CD163L1: variants seen among roughly 807,000 people sequenced by gnomAD.
CD163L1 encodes the protein CD163 molecule like 1, also known as scavenger receptor cysteine-rich type 1 protein M160.
A neutral mutation model predicts 165.4 loss-of-function variants in CD163L1; 124 were observed. The observed-to-expected ratio is 0.75, with a 90% CI of 0.65 to 0.87. CD163L1 has a LOEUF of 0.87. Ranked by LOEUF, CD163L1 falls within the 40% of genes least tolerant of loss-of-function variation. CD163L1 has a pLI of 0.00. For missense variants in CD163L1, 1,525 were observed against 1,799.9 expected (o/e 0.85, Z 2.76); for synonymous variants, 585 against 662.2 (o/e 0.88, Z 1.79).
At chr12:7,360,956 T>G (rs905387616) in intron 18 of CD163L1, among the ~76,000 whole-genome samples, 18 of 130,162 alleles carry the variant, frequency 1.4e-4, no homozygotes, top group African/African-American at 4.1e-4. Context: ...TTTTTGGTTT[T>G]GGTTTTGCTT....
Position 7,396,115 on chromosome 12 carries a change from T to A in CD163L1, c.2030A>T (p.Asp677Val). Residue 677 changes from aspartate (D) to valine (V), a missense_variant, in exon 8 of 20, where the codon GAT becomes GTT. By Grantham distance (152) the Asp-to-Val change is radical (BLOSUM62 -3). Transcript: ENST00000313599. ...CTTACCAGAACAGATCACTCCAACA[T>A]CTTCACTGTGACTGCAGTCATTATT... ...WGNNDCSHSE[D>V]VGVICSDASD... 1 of 1,613,470 alleles carries A rather than the reference T, an allele frequency of 6.2e-7. No homozygotes were observed. Among genetic ancestry groups the A allele is most frequent in the African/African-American group, 1.3e-5 (1 of 75,038 alleles).
the CD163L1 span, among the ~76,000 whole-genome samples, chr12:7,320,365 C>T: frequency 6.6e-6 from 1 of 152,150 alleles, no homozygotes; most frequent in Non-Finnish European, 1.5e-5. Context: ...TCAATACTAT[C>T]CATGAATATA....
chr12:7,346,444 G>C (rs1946670762), downstream of CD163L1, among the ~76,000 whole-genome samples: 1 of 151,588 alleles, frequency 6.6e-6, no homozygotes, highest in Non-Finnish European at 1.5e-5. Context: ...TAAGTCTTGG[G>C]TTACTTCTTA....
At chr12:7,424,986 G>A (rs953129875) in intron 4 of CD163L1, among the ~76,000 whole-genome samples, 20 of 152,026 alleles carry the variant, frequency 1.3e-4, no homozygotes, top group African/African-American at 4.3e-4. Flanking sequence ...AAAAAACTAC[G>A]TTAAAATTCA....
chr12:7,413,705 T>A (rs1420915562), intron 4 of CD163L1, among the ~76,000 whole-genome samples: 3 of 152,180 alleles, frequency 2.0e-5, no homozygotes, highest in Admixed American at 1.3e-4. Flanking sequence ...GGTGTGTGTA[T>A]CTTTTGCAGA....
chr12:7,443,264 TGTA>T (rs2136659631), intron 1 of CD163L1, among the ~76,000 whole-genome samples: 1 of 152,372 alleles, frequency 6.6e-6, no homozygotes, highest in Non-Finnish European at 1.5e-5. Context: ...TAAGTTGACT[TGTA>T]GTAATTGCAC....
At chr12:7,422,805 T>C (rs1304853628) in intron 4 of CD163L1, among the ~76,000 whole-genome samples, 1 of 150,046 alleles carries the variant, frequency 6.7e-6, no homozygotes, top group Non-Finnish European at 1.5e-5. Context: ...GTGCACCCAA[T>C]ACAGGAGCAC....
chr12:7,328,554 C>A, the CD163L1 span: 2 of 370,954 alleles, frequency 5.4e-6, no homozygotes, highest in South Asian at 3.3e-5. Context: ...GCCTCAAAAA[C>A]GTATGGATGA....
chr12:7,436,813 A>T (rs963089150), intron 2 of CD163L1, among the ~76,000 whole-genome samples: 6 of 152,148 alleles, frequency 3.9e-5, no homozygotes, highest in African/African-American at 1.2e-4. Flanking sequence ...TGTCAGATCT[A>T]TGAAATGTAA....
At chr12:7,416,829 T>C (rs1948252341) in intron 4 of CD163L1, among the ~76,000 whole-genome samples, 1 of 152,092 alleles carries the variant, frequency 6.6e-6, no homozygotes, top group Non-Finnish European at 1.5e-5. Context: ...AGCCTTGAGG[T>C]ATAGTTTAAA....
intron 2 of CD163L1, chr12:7,439,775 C>G (rs1476662989): frequency 6.2e-7 from 1 of 1,613,484 alleles, no homozygotes; most frequent in Non-Finnish European, 8.5e-7. Context: ...AGAATTTCAC[C>G]CCCCTCGATC....
the CD163L1 span, among the ~76,000 whole-genome samples, chr12:7,333,293 T>G: frequency 1.3e-5 from 2 of 152,146 alleles, no homozygotes; most frequent in Non-Finnish European, 2.9e-5. Context: ...AAACTGTCTC[T>G]CAGACCACAG....
chr12:7,425,720 A>T (rs888800871), intron 4 of CD163L1, among the ~76,000 whole-genome samples: 2 of 152,196 alleles, frequency 1.3e-5, no homozygotes, highest in Non-Finnish European at 2.9e-5. Flanking sequence ...CAAACATTTG[A>T]AAAAAAGCTC....
rs191385640 is a variant in CD163L1, at chr12:7,374,351, T to C, written c.3409+91A>G. 1.5e-6 allele frequency: 2 copies of C among 1,367,484 alleles called. No homozygotes were observed. Among genetic ancestry groups the C allele is most frequent in the African/African-American group, 1.4e-5 (1 of 69,350 alleles). 84.7% of individuals were successfully genotyped at this position (1,367,484 alleles called of 1,614,324 possible). A position where few individuals can be genotyped will look rare whatever the true frequency, so the allele number is the denominator to read the frequency against. The stretch of plus-strand genomic sequence containing the variant: ...ATTTTTTGTTTGTATTCCTAGGCCA[T>C]ACACTTTTCACTACACTTTACAATT... On this transcript the variant is annotated intron_variant, in intron 13 of 19. Coordinates refer to ENST00000313599, the MANE Select transcript of CD163L1 (RefSeq NM_174941.6). The surrounding 1 kb of genome is among the most constrained non-coding windows in gnomAD (Gnocchi z 5.4).
At chr12:7,331,856 A>T in the CD163L1 span, among the ~76,000 whole-genome samples, 2 of 152,222 alleles carry the variant, frequency 1.3e-5, no homozygotes, top group African/African-American at 4.8e-5. Context: ...AAAAACCGGA[A>T]AATCTAAAAA....
At chr12:7,403,376 T>C (rs1406441934) in intron 6 of CD163L1, among the ~76,000 whole-genome samples, 159 bp downstream of exon 6, 2 of 152,320 alleles carry the variant, frequency 1.3e-5, no homozygotes, top group Non-Finnish European at 2.9e-5. Flanking sequence ...ACTCTCTTTT[T>C]ACAATGTGCA....
At chr12:7,404,404 TG>T (rs1164800130) in intron 5 of CD163L1, among the ~76,000 whole-genome samples, 7 of 152,192 alleles carry the variant, frequency 4.6e-5, no homozygotes, top group African/African-American at 1.4e-4. Flanking sequence ...AGCAAGCCTT[TG>T]CTTATTAAAC....
chr12:7,383,522 A>G (rs1462357229), intron 8 of CD163L1, among the ~76,000 whole-genome samples: 5 of 151,954 alleles, frequency 3.3e-5, no homozygotes, highest in Non-Finnish European at 7.4e-5. Context: ...ACCTAGATCA[A>G]CTCACATTGG....
intron 18 of CD163L1, among the ~76,000 whole-genome samples, chr12:7,364,264 T>C (rs1202501784): frequency 3.3e-5 from 5 of 152,212 alleles, no homozygotes; most frequent in Admixed American, 1.3e-4. Flanking sequence ...AGCCTCAACA[T>C]ACTGGGTATA....
Sources: allele counts gnomAD v4.1 joint callset (sites outside exome capture counted in the v4.1 genomes callset), GRCh38; gene constraint gnomAD v4.1.1; non-coding constraint Gnocchi (gnomAD v3.1); transcripts MANE v1.5; gene names NCBI Gene and HGNC (gene_info 2026-07-23, HGNC 2026-07-21).